Variants in NUDCD1 observed in about 807,000 individuals in gnomAD.
The protein encoded by NUDCD1 is NudC domain containing 1.
In NUDCD1, 60 loss-of-function variants were observed where a neutral mutation model predicts 67.8. The observed-to-expected ratio is 0.88, with a 90% CI of 0.72 to 1.10. The LOEUF is 1.10. Among genes scored for constraint, NUDCD1 ranks in the 50% least tolerant of loss-of-function variants. NUDCD1 has a pLI of 0.00. For missense variants in NUDCD1, 643 were observed against 695.0 expected (o/e 0.93, Z 0.84); for synonymous variants, 244 against 230.8 (o/e 1.06, Z -0.52).
chr8:109,293,264 T>G (rs1586284799), intron 4 of NUDCD1, 80 bp downstream of exon 4: 2 of 716,334 alleles, frequency 2.8e-6, no homozygotes, highest in South Asian at 4.6e-5. Context: ...GAGCAAACAG[T>G]ATTTACAGGG....
chr8:109,249,138 C>T (rs1324112810), intron 8 of NUDCD1, among the ~76,000 whole-genome samples: 1 of 152,166 alleles, frequency 6.6e-6, no homozygotes, highest in Non-Finnish European at 1.5e-5. Flanking sequence ...ATGGTAACTA[C>T]TACTCACTTC....
At chr8:109,313,831 AT>A in intron 2 of NUDCD1, 1 of 1,112,350 alleles carries the variant, frequency 9.0e-7, no homozygotes, top group African/African-American at 1.6e-5. Flanking sequence ...TAGAAGTCTA[AT>A]TATCAATCAG....
Position 109,333,963 on chromosome 8 carries a change from CA to C in NUDCD1, c.47del (p.Leu16TrpfsTer29). 1 of 1,614,154 alleles carries C rather than the reference CA, an allele frequency of 6.2e-7. No homozygotes were observed. The highest frequency in any genetic ancestry group is 1.1e-5 in the South Asian group (1 of 91,082). ...GCTTGTAACCCTCGAAGCGGGGATC[CA>C]ACAGAGGTCTCTTCACCCGTAGGGA... ...NCSLRVKRPL[L>X]DPRFEGYKLS... On this transcript the variant is annotated frameshift_variant, in exon 1 of 10. Transcript: ENST00000239690. LOFTEE classifies it high-confidence loss of function.
At chr8:109,311,014 C>G (rs764621916) in intron 2 of NUDCD1, among the ~76,000 whole-genome samples, 5 of 151,700 alleles carry the variant, frequency 3.3e-5, no homozygotes, top group African/African-American at 4.8e-5. Context: ...TGGGGTTTCA[C>G]CATGTTGGCC....
chr8:109,277,302 C>G (rs555270750), intron 6 of NUDCD1, among the ~76,000 whole-genome samples: 7 of 152,052 alleles, frequency 4.6e-5, no homozygotes, highest in Non-Finnish European at 1.0e-4. Context: ...GAACACTTAC[C>G]CAGTGAACTG....
chr8:109,257,842 T>C (rs1429032206), intron 8 of NUDCD1, among the ~76,000 whole-genome samples: 2 of 152,114 alleles, frequency 1.3e-5, no homozygotes, highest in African/African-American at 4.8e-5. Context: ...AATACATGTC[T>C]ATGACTGAGT....
intron 8 of NUDCD1, among the ~76,000 whole-genome samples, chr8:109,266,286 C>T (rs1036378090): frequency 8.6e-5 from 13 of 151,314 alleles, no homozygotes; most frequent in Admixed American, 8.6e-4. Flanking sequence ...AGTGCAGTGG[C>T]GCGATCTCGG....
intron 5 of NUDCD1, among the ~76,000 whole-genome samples, chr8:109,284,713 A>C (rs1240812270): frequency 1.3e-5 from 2 of 152,080 alleles, no homozygotes; most frequent in African/African-American, 2.4e-5. Flanking sequence ...TACCTCAAAA[A>C]GTAAGAAAAG....
In NUDCD1 at chr8:109,263,054, C is replaced by CAAAAA. The variant is rs59659347; in HGVS notation, c.1299+7946_1299+7950dup. The stretch of plus-strand genomic sequence containing the variant: ...CGGGGGACAGAGTGAGACTCTGTCT[C>CAAAAA]AAAAAAAAAAAAAAAAAAAAAAAAA... On this transcript the variant is annotated intron_variant, in intron 8 of 9. Transcript: ENST00000239690. 1.2e-3 allele frequency among the ~76,000 whole-genome samples: 52 copies of CAAAAA among 42,010 alleles called. 6 individuals carry two copies. The highest frequency in any genetic ancestry group is 4.1e-3 in the South Asian group (2 of 492). 27.6% of individuals were successfully genotyped at this position (42,010 alleles called of 152,430 possible).
chr8:109,308,128 A>G (rs1815155384), intron 2 of NUDCD1, among the ~76,000 whole-genome samples: 1 of 152,264 alleles, frequency 6.6e-6, no homozygotes, highest in Non-Finnish European at 1.5e-5. Context: ...AATGGACTTA[A>G]CAGATATATA....
chr8:109,325,818 T>C (rs1313653171), intron 1 of NUDCD1, among the ~76,000 whole-genome samples: 1 of 152,230 alleles, frequency 6.6e-6, no homozygotes, highest in African/African-American at 2.4e-5. Context: ...TACTTATAAC[T>C]ACAATATGGA....
At chr8:109,268,820 A>G (rs980639873) in intron 8 of NUDCD1, among the ~76,000 whole-genome samples, 15 of 152,184 alleles carry the variant, frequency 9.9e-5, no homozygotes, top group Non-Finnish European at 2.2e-4. Context: ...CCAAGGTAAT[A>G]AAAAGAAGAG....
At chr8:109,246,201 T>C (rs1324714605) in intron 8 of NUDCD1, among the ~76,000 whole-genome samples, 2 of 152,192 alleles carry the variant, frequency 1.3e-5, no homozygotes, top group African/African-American at 2.4e-5. Flanking sequence ...GCAGACTATT[T>C]TTAGGCCATA....
intron 4 of NUDCD1, among the ~76,000 whole-genome samples, chr8:109,292,154 T>C (rs934881402): frequency 2.1e-4 from 32 of 152,248 alleles, no homozygotes; most frequent in African/African-American, 6.5e-4. Context: ...TAAAGTATGA[T>C]TGGAACACAA....
At chr8:109,317,806 A>G (rs897223865) in intron 2 of NUDCD1, among the ~76,000 whole-genome samples, 7 of 152,136 alleles carry the variant, frequency 4.6e-5, no homozygotes, top group Non-Finnish European at 1.0e-4. Flanking sequence ...TTTTCAAAGC[A>G]TTTTCACACA....
intron 8 of NUDCD1, among the ~76,000 whole-genome samples, chr8:109,257,915 C>A (rs1164272248): frequency 6.6e-6 from 1 of 152,066 alleles, no homozygotes; most frequent in Non-Finnish European, 1.5e-5. Flanking sequence ...GATAATGAAT[C>A]ATTTGTCAAA....
At chr8:109,291,114 T>C (rs1814701897) in intron 4 of NUDCD1, among the ~76,000 whole-genome samples, 1 of 152,094 alleles carries the variant, frequency 6.6e-6, no homozygotes, top group African/African-American at 2.4e-5. Flanking sequence ...CCGGATTCCG[T>C]GGTTAAATAT....
intron 8 of NUDCD1, among the ~76,000 whole-genome samples, chr8:109,257,661 A>ATT (rs1813768443): frequency 6.6e-6 from 1 of 152,138 alleles, no homozygotes; most frequent in African/African-American, 2.4e-5. Context: ...ATCTGAACGG[A>ATT]AACTCCCTGT....
At chr8:109,330,276 A>G (rs1815776162) in intron 1 of NUDCD1, among the ~76,000 whole-genome samples, 1 of 152,224 alleles carries the variant, frequency 6.6e-6, no homozygotes, top group African/African-American at 2.4e-5. Context: ...ACAACTTAAT[A>G]ACATTATTTA....
Sources: allele counts gnomAD v4.1 joint callset (sites outside exome capture counted in the v4.1 genomes callset), GRCh38; gene constraint gnomAD v4.1.1; transcripts MANE v1.5; gene names NCBI Gene and HGNC (gene_info 2026-07-23, HGNC 2026-07-21).